Variants in EVL observed in about 807,000 individuals in gnomAD.
EVL encodes Enah/Vasp-like.
Under a neutral mutation model 59.6 loss-of-function variants are expected in EVL, and 21 were observed. The ratio of observed to expected loss-of-function variants is 0.35; its 90% CI spans 0.25 to 0.51. The LOEUF is 0.51. Among genes scored for constraint, EVL ranks in the 20% least tolerant of loss-of-function variants. The probability of loss-of-function intolerance (pLI) is 0.97; values close to 1 mark genes in which losing one functional copy is unlikely to be tolerated. For missense variants in EVL, 462 were observed against 546.6 expected (o/e 0.85, Z 1.54); for synonymous variants, 198 against 203.5 (o/e 0.97, Z 0.23).
At chr14:99,999,042 T>C (rs1450637838) in intron 1 of EVL, among the ~76,000 whole-genome samples, 1 of 124,326 alleles carries the variant, frequency 8.0e-6, no homozygotes, top group African/African-American at 3.4e-5. Flanking sequence ...ATTTATAAAT[T>C]ATAGTAATTT....
rs1484547054 is a variant in EVL at position 100,129,586 on chromosome 14, C to T, written c.741C>T (p.Ser247=). The stretch of plus-strand genomic sequence containing the variant: ...AGCCAGAAGACGCATCTGGAGGCTC[C>T]AGTCCCAGTGGGACCTCAAAGTCCG... The part of the protein sequence containing the change: ...VQRPEDASGG[S]SPSGTSKSDA... Residue 247 remains serine, a synonymous_variant, in exon 7 of 14, where the codon TCC becomes TCT. Coordinates refer to ENST00000392920, the MANE Select transcript of EVL (RefSeq NM_016337.3). 2.5e-6 allele frequency: 4 copies of T among 1,613,592 alleles called. No individual in the cohort carries two copies. The highest frequency in any genetic ancestry group is 1.7e-5 in the Admixed American group (1 of 59,988).
In EVL at chr14:100,130,025, G is replaced by A. The variant is rs560549562; in HGVS notation, c.839+341G>A. 1.5e-4 allele frequency among the ~76,000 whole-genome samples: 23 copies of A among 152,374 alleles called. No homozygotes were observed. In the East Asian group the frequency reaches 4.4e-3, roughly 29 times the overall value. On this transcript the variant is annotated intron_variant, in intron 7 of 13. Transcript: ENST00000392920. The surrounding 1 kb of genome is among the most constrained non-coding windows in gnomAD (Gnocchi z 4.8). ...AGTCCTTGCTCTTAAGATCCTAACA[G>A]AAATAAGATGTGGCCGCAGTGGTCG...
At chr14:100,133,328 A>AT (rs1888558844) in intron 8 of EVL, among the ~76,000 whole-genome samples, 1 of 152,180 alleles carries the variant, frequency 6.6e-6, no homozygotes, top group Non-Finnish European at 1.5e-5. Flanking sequence ...AGGGCGGCTA[A>AT]TTCTCTTTTC....
intron 1 of EVL, among the ~76,000 whole-genome samples, chr14:99,985,867 A>C (rs1259523399): frequency 6.6e-6 from 1 of 152,210 alleles, no homozygotes; most frequent in Non-Finnish European, 1.5e-5. Context: ...GGCCTGCTGA[A>C]GTCCTTTAGC....
chr14:100,138,192 G>A (rs1313189942), intron 11 of EVL: 7 of 291,510 alleles, frequency 2.4e-5, no homozygotes, highest in Non-Finnish European at 4.6e-5. Context: ...ACAGCTGTGA[G>A]CAACAGCTGG....
At chr14:100,067,065 G>A (rs1190961) in intron 1 of EVL, among the ~76,000 whole-genome samples, 116,891 of 152,102 alleles carry the variant, frequency 0.77, 45,878 homozygotes, top group Non-Finnish European at 0.84. Context: ...TACGGGGAGC[G>A]GAGTAGTGGC....
intron 1 of EVL, among the ~76,000 whole-genome samples, chr14:100,005,630 T>TACACAC (rs35844160): frequency 2.6e-3 from 377 of 143,740 alleles, no homozygotes; most frequent in African/African-American, 5.1e-3. Flanking sequence ...GCCTTTTAAA[T>TACACAC]ACACACACAC....
At chr14:100,003,908 T>TA (rs1203913104) in intron 1 of EVL, among the ~76,000 whole-genome samples, 7 of 152,192 alleles carry the variant, frequency 4.6e-5, no homozygotes, top group South Asian at 2.1e-4. Context: ...TTTAGACCTT[T>TA]AAAAAAATGT....
intron 8 of EVL, 59 bp downstream of exon 8, chr14:100,132,838 G>C: frequency 6.3e-7 from 1 of 1,589,318 alleles, no homozygotes; most frequent in Non-Finnish European, 8.6e-7. Flanking sequence ...CATCGCCAGG[G>C]AGGCTCTCTG....
At chr14:100,025,641 C>A (rs2140209051) in intron 1 of EVL, among the ~76,000 whole-genome samples, 1 of 152,276 alleles carries the variant, frequency 6.6e-6, no homozygotes, top group Non-Finnish European at 1.5e-5. Context: ...TAAAAATACA[C>A]AGTTGGCGGG....
intron 1 of EVL, among the ~76,000 whole-genome samples, chr14:100,037,442 C>T (rs559560779): frequency 1.1e-4 from 16 of 152,314 alleles, no homozygotes; most frequent in African/African-American, 3.4e-4. Context: ...CTCATATACT[C>T]TGAAAATACT....
At chr14:100,089,248 G>C (rs1035305359) in intron 2 of EVL, among the ~76,000 whole-genome samples, 1 of 152,186 alleles carries the variant, frequency 6.6e-6, no homozygotes, top group Non-Finnish European at 1.5e-5. Flanking sequence ...AATAAGTAAA[G>C]ACAGAAAACT....
At chr14:99,979,644 C>T (rs186851816) in intron 1 of EVL, among the ~76,000 whole-genome samples, 13 of 142,618 alleles carry the variant, frequency 9.1e-5, no homozygotes, top group Admixed American at 2.8e-4. Flanking sequence ...CTGAGGTGGG[C>T]GGATTACGAG....
chr14:100,110,854 C>A (rs1437473921), intron 3 of EVL, among the ~76,000 whole-genome samples: 2 of 152,210 alleles, frequency 1.3e-5, no homozygotes, highest in Non-Finnish European at 2.9e-5. Flanking sequence ...TTTTAGTCTT[C>A]TGTAGATACA....
chr14:100,065,033 A>G (rs1473756677), upstream of EVL, among the ~76,000 whole-genome samples: 1 of 152,236 alleles, frequency 6.6e-6, no homozygotes, highest in Non-Finnish European at 1.5e-5. Flanking sequence ...ATAGGAAGTC[A>G]TCTGTGCTGA....
intron 3 of EVL, among the ~76,000 whole-genome samples, chr14:100,113,093 C>T (rs1377378084): frequency 6.6e-6 from 1 of 152,206 alleles, no homozygotes; most frequent in African/African-American, 2.4e-5. Flanking sequence ...TGGGGGCGGG[C>T]ATGCCTGATC....
chr14:100,030,434 A>G (rs966110006), intron 1 of EVL, among the ~76,000 whole-genome samples: 1 of 152,170 alleles, frequency 6.6e-6, no homozygotes, highest in African/African-American at 2.4e-5. Context: ...TAGATACTCA[A>G]TAAATTAATT....
chr14:100,024,562 A>ACT (rs2140207661), intron 1 of EVL, among the ~76,000 whole-genome samples: 1 of 152,266 alleles, frequency 6.6e-6, no homozygotes, highest in South Asian at 2.1e-4. Context: ...GGTAACTTTA[A>ACT]CTCACATAAA....
chr14:100,143,512 G>A (rs1889327844), intron 13 of EVL, among the ~76,000 whole-genome samples, 189 bp from the exon 14 acceptor site: 1 of 152,202 alleles, frequency 6.6e-6, no homozygotes, highest in Admixed American at 6.5e-5. Context: ...GCCGCAGAAG[G>A]AATGGCAGAT....
Sources: gnomAD v4.1 joint callset for allele counts (sites outside exome capture counted in the v4.1 genomes callset) on GRCh38, gnomAD v4.1.1 for gene constraint, Gnocchi (gnomAD v3.1) non-coding constraint, MANE v1.5 for transcripts, NCBI Gene and HGNC (gene_info 2026-07-23, HGNC 2026-07-21) for gene names.